The following POLR3B variants were observed in gnomAD, a reference collection of about 807,000 sequenced individuals.
POLR3B encodes the protein RNA polymerase III subunit B, also known as DNA-directed RNA polymerase III subunit RPC2.
In POLR3B, 96 loss-of-function variants were observed where a neutral mutation model predicts 147.4. The observed-to-expected ratio is 0.65, with a 90% CI of 0.55 to 0.77. The LOEUF is 0.77. Among genes scored for constraint, POLR3B ranks in the 30% least tolerant of loss-of-function variants. POLR3B has a pLI of 0.00. For synonymous variants in POLR3B, 461 were observed against 485.9 expected (o/e 0.95, Z 0.67); for missense variants, 1,036 against 1,413.5 (o/e 0.73, Z 4.28).
chr12:106,481,109 G>GCAGA (rs2038261215), intron 23 of POLR3B, among the ~76,000 whole-genome samples: 1 of 152,242 alleles, frequency 6.6e-6, no homozygotes. Context: ...CATAGCTGGA[G>GCAGA]CAGAGTGAGA....
chr12:106,451,351 G>A (rs1226763614), intron 19 of POLR3B, among the ~76,000 whole-genome samples: 1 of 152,064 alleles, frequency 6.6e-6, no homozygotes, highest in African/African-American at 2.4e-5. Flanking sequence ...ATTGAGGCCA[G>A]GTACTGTGGT....
chr12:106,363,227 A>C (rs981349626), intron 1 of POLR3B, among the ~76,000 whole-genome samples: 4 of 152,138 alleles, frequency 2.6e-5, no homozygotes, highest in Non-Finnish European at 5.9e-5. Context: ...AGGCCACTCC[A>C]TTCCCGAATT....
At chr12:106,406,807 T>C (rs1410823976) in intron 11 of POLR3B, among the ~76,000 whole-genome samples, 5 of 152,380 alleles carry the variant, frequency 3.3e-5, no homozygotes, top group Middle Eastern at 3.4e-3. Flanking sequence ...TTAATGTATA[T>C]GCTACTCTTA....
chr12:106,376,459 G>GA lies in POLR3B; in HGVS notation c.496+11dup. On this transcript the variant is annotated intron_variant, in intron 7 of 27. Transcript: ENST00000228347. ...ATGTCCCTTAGATCCAGGTATGTGTGAAGTCTTGGATTTGTCCCACTTTCC... is the reference window on the plus strand; with the variant it reads ...ATGTCCCTTAGATCCAGGTATGTGTGAAAGTCTTGGATTTGTCCCACTTTCC... 1.3e-6 allele frequency: 2 copies of GA among 1,581,416 alleles called. No individual in the cohort carries two copies. The highest frequency in any genetic ancestry group is 1.7e-6 in the Non-Finnish European group (2 of 1,151,378).
intron 7 of POLR3B, among the ~76,000 whole-genome samples, chr12:106,377,483 A>G (rs2036697392): frequency 6.6e-6 from 1 of 152,198 alleles, no homozygotes; most frequent in Non-Finnish European, 1.5e-5. Flanking sequence ...CCTACTCTGA[A>G]TTGTGTGCAA....
chr12:106,488,771 C>T (rs2038374153), intron 23 of POLR3B, among the ~76,000 whole-genome samples: 1 of 152,146 alleles, frequency 6.6e-6, no homozygotes, highest in African/African-American at 2.4e-5. Context: ...GGAGGGAACT[C>T]ATCAAGGGCA....
At chr12:106,495,188 C>CA (rs1565915104) in intron 23 of POLR3B, among the ~76,000 whole-genome samples, 1 of 151,920 alleles carries the variant, frequency 6.6e-6, no homozygotes, top group Non-Finnish European at 1.5e-5. Flanking sequence ...TTCCTCTTCC[C>CA]AAAAAAATCA....
chr12:106,412,043 G>A (rs957937503), intron 12 of POLR3B, among the ~76,000 whole-genome samples: 4 of 152,004 alleles, frequency 2.6e-5, no homozygotes, highest in Non-Finnish European at 5.9e-5. Flanking sequence ...TAATTTCAAC[G>A]TCTCAGTCAC....
rs141885523 is a variant in POLR3B at position 106,427,208 on chromosome 12, T to C, written c.1113T>C (p.Leu371=). The C allele has an allele frequency of 2.0e-4, 309 of 1,574,632 alleles. 2 individuals carry two copies. In the Admixed American group the frequency reaches 4.9e-3, roughly 25 times the overall value. Reference sequence around the variant, plus strand: ...TTTTTTTTTTTTAGCTTTTATCTCTTCTTTTTGAAGACTTGTTCAAAAAAT... The same window carrying C: ...TTTTTTTTTTTTAGCTTTTATCTCTCCTTTTTGAAGACTTGTTCAAAAAAT... ...RLELAGQLLS[L]LFEDLFKKFN... The change falls in exon 13 of 28, where the codon CTT becomes CTC. Residue 371 remains leucine (L), a synonymous_variant. Transcript: ENST00000228347.
intron 13 of POLR3B, among the ~76,000 whole-genome samples, chr12:106,427,732 A>T (rs570072336): frequency 6.6e-6 from 1 of 152,184 alleles, no homozygotes; most frequent in Non-Finnish European, 1.5e-5. Flanking sequence ...AAAGTGTTTC[A>T]TTTCACAGGA....
At chr12:106,374,422 C>T (rs2036649802) in intron 6 of POLR3B, among the ~76,000 whole-genome samples, 1 of 152,016 alleles carries the variant, frequency 6.6e-6, no homozygotes, top group Non-Finnish European at 1.5e-5. Flanking sequence ...CGCCATGTTG[C>T]CCCCGCTGGT....
At position 106,357,802 on chromosome 12, in the gene POLR3B, C is replaced by G; in HGVS notation, c.-78C>G. 7.1e-7 allele frequency: 1 copy of G among 1,404,328 alleles called. No homozygotes were observed. The highest frequency in any genetic ancestry group is 9.9e-7 in the Non-Finnish European group (1 of 1,007,386). The allele number at this position is 1,404,328 out of a possible 1,614,324, so 87.0% of individuals were successfully genotyped here. ...GTTTAGGCCTCCGCGCACCGTTCGC[C>G]GGGAGTCTTGCAGTTTGCTTGGTGC... On this transcript the variant is annotated 5_prime_UTR_variant, in exon 1 of 28. Transcript: ENST00000228347.
chr12:106,413,912 C>T (rs982110912), intron 12 of POLR3B, among the ~76,000 whole-genome samples: 1 of 151,878 alleles, frequency 6.6e-6, no homozygotes, highest in Non-Finnish European at 1.5e-5. Flanking sequence ...GTCTTTTTCA[C>T]ATATTTTTGG....
At chr12:106,422,245 C>A (rs1390607009) in intron 12 of POLR3B, among the ~76,000 whole-genome samples, 1 of 152,066 alleles carries the variant, frequency 6.6e-6, no homozygotes, top group Non-Finnish European at 1.5e-5. Flanking sequence ...CTCATGAGAT[C>A]TGGTTGCTTA....
rs375980442 is a variant in POLR3B, at chr12:106,451,137, C to A, written c.2084-3365C>A. Reference sequence around the variant, plus strand: ...TAATCTGTAACAATACAGAACAGATCAGTGGTCCCTGAGGTGAGGAACAAA... The same window carrying A: ...TAATCTGTAACAATACAGAACAGATAAGTGGTCCCTGAGGTGAGGAACAAA... On this transcript the variant is annotated intron_variant, in intron 19 of 27. Transcript: ENST00000228347. Among the ~76,000 whole-genome samples, 16 of 152,112 alleles carry A rather than the reference C, an allele frequency of 1.1e-4. No individual in the cohort carries two copies. In the South Asian group the frequency reaches 3.1e-3, roughly 30 times the overall value.
chr12:106,432,770 A>T (rs1271084626), intron 15 of POLR3B, among the ~76,000 whole-genome samples: 1 of 152,312 alleles, frequency 6.6e-6, no homozygotes, highest in East Asian at 1.9e-4. Flanking sequence ...ACGGTTCAAC[A>T]TGGTATCTTT....
At chr12:106,397,185 T>C (rs544312674) in intron 10 of POLR3B, among the ~76,000 whole-genome samples, 12 of 152,144 alleles carry the variant, frequency 7.9e-5, no homozygotes, top group Admixed American at 2.0e-4. Context: ...GCCTCTTCTT[T>C]AAACATTGTT....
At chr12:106,406,039 T>C (rs2037147038) in intron 11 of POLR3B, 63 bp downstream of exon 11, 1 of 1,567,880 alleles carries the variant, frequency 6.4e-7, no homozygotes, top group South Asian at 1.1e-5. Flanking sequence ...GTTAGAGAAC[T>C]GTGATAAGAG....
intron 21 of POLR3B, among the ~76,000 whole-genome samples, 192 bp from the exon 22 acceptor site, chr12:106,459,059 C>G (rs559086090): frequency 6.6e-6 from 1 of 152,028 alleles, no homozygotes; most frequent in Non-Finnish European, 1.5e-5. Context: ...GTGAGTCTCA[C>G]TCTGTTGCAC....
Sources: allele counts gnomAD v4.1 joint callset (sites outside exome capture counted in the v4.1 genomes callset), GRCh38; gene constraint gnomAD v4.1.1; transcripts MANE v1.5; gene names NCBI Gene and HGNC (gene_info 2026-07-23, HGNC 2026-07-21).